RNF121: variants seen among roughly 807,000 people sequenced by gnomAD.
The protein encoded by RNF121 is ring finger protein 121.
RNF121 carries 21 observed loss-of-function variants against 46.5 expected under a neutral mutation model. That is an observed-to-expected ratio of 0.45 (90% CI 0.32 to 0.65). The LOEUF is 0.65. RNF121 is among the 30% of genes least tolerant of loss of function. RNF121 has a pLI of 0.04. For missense variants in RNF121, 346 were observed against 416.0 expected (o/e 0.83, Z 1.46); for synonymous variants, 139 against 144.7 (o/e 0.96, Z 0.28).
intron 3 of RNF121, among the ~76,000 whole-genome samples, chr11:71,961,710 A>G (rs954391012): frequency 2.0e-5 from 3 of 152,246 alleles, no homozygotes; most frequent in Non-Finnish European, 4.4e-5. Flanking sequence ...ATTAGAAGAC[A>G]GAAATTGGCA....
intron 1 of RNF121, among the ~76,000 whole-genome samples, chr11:71,943,084 G>A (rs10751188): frequency 0.92 from 140,126 of 152,188 alleles, 64,812 homozygotes; most frequent in Non-Finnish European, 0.98. Flanking sequence ...TGCATTGGAG[G>A]TTAGGTTTCA....
chr11:71,969,547 A>G (rs927882899), intron 3 of RNF121, among the ~76,000 whole-genome samples: 8 of 152,092 alleles, frequency 5.3e-5, no homozygotes, highest in Non-Finnish European at 7.4e-5. Context: ...AAAATTACGT[A>G]TATGTGTGAT....
chr11:71,983,646 C>T (rs1020623443), intron 4 of RNF121: 9 of 152,258 alleles, frequency 5.9e-5, no homozygotes, highest in Non-Finnish European at 8.8e-5. Context: ...TAAGCACCTA[C>T]TGTGTGCCAG....
intron 3 of RNF121, among the ~76,000 whole-genome samples, chr11:71,968,124 T>C (rs933154716): frequency 6.6e-6 from 1 of 151,992 alleles, no homozygotes; most frequent in African/African-American, 2.4e-5. Flanking sequence ...TGCAGTGGCA[T>C]GCTCTCGGCT....
At chr11:71,939,507 T>C (rs1169283843) in intron 1 of RNF121, 1 of 152,624 alleles carries the variant, frequency 6.6e-6, no homozygotes, top group Non-Finnish European at 1.5e-5. Context: ...CATGATTTTG[T>C]GGGGTGTTCT....
chr11:71,966,602 C>T (rs1954283485), intron 3 of RNF121, among the ~76,000 whole-genome samples: 1 of 151,818 alleles, frequency 6.6e-6, no homozygotes, highest in African/African-American at 2.4e-5. Context: ...CTGCCTCAGC[C>T]TCCCAAGTAG....
chr11:71,968,336 A>G (rs1430344727), intron 3 of RNF121, among the ~76,000 whole-genome samples: 2 of 152,148 alleles, frequency 1.3e-5, no homozygotes, highest in African/African-American at 2.4e-5. Flanking sequence ...CTGGGATGAC[A>G]GGTGTGAGCC....
At chr11:71,961,393 T>G (rs1199844438) in intron 3 of RNF121, among the ~76,000 whole-genome samples, 1 of 152,028 alleles carries the variant, frequency 6.6e-6, no homozygotes, top group Non-Finnish European at 1.5e-5. Flanking sequence ...AAACCCTATA[T>G]CTACAAAAAA....
intron 4 of RNF121, among the ~76,000 whole-genome samples, chr11:71,984,854 T>C (rs1275556194): frequency 6.7e-6 from 1 of 148,616 alleles, no homozygotes; most frequent in Admixed American, 6.9e-5. Flanking sequence ...CCCAAAGTGC[T>C]GGAATTACAA....
At chr11:71,929,162 A>G in intron 1 of RNF121, 38 bp downstream of exon 1, 1 of 1,542,212 alleles carries the variant, frequency 6.5e-7, no homozygotes, top group Non-Finnish European at 8.8e-7. Context: ...ACTCAACCTG[A>G]GACTGAGGGG....
intron 1 of RNF121, among the ~76,000 whole-genome samples, chr11:71,953,387 G>A (rs914471727): frequency 2.0e-5 from 3 of 152,212 alleles, no homozygotes; most frequent in Non-Finnish European, 2.9e-5. Context: ...TTAGATCTCT[G>A]TAAAGTTGTT....
chr11:71,970,808 C>CAAAAAA, intron 3 of RNF121, among the ~76,000 whole-genome samples: 1 of 152,204 alleles, frequency 6.6e-6, no homozygotes, highest in African/African-American at 2.4e-5. Context: ...AAGAAAGCAA[C>CAAAAAA]TACCAAGACA....
chr11:71,959,699 G>A (rs1228612349), intron 2 of RNF121, among the ~76,000 whole-genome samples: 2 of 146,996 alleles, frequency 1.4e-5, no homozygotes, highest in Non-Finnish European at 3.0e-5. Context: ...GCAGTGTTGC[G>A]ATCTTGGCTG....
At chr11:71,989,456 A>C (rs1291008871) in intron 5 of RNF121, among the ~76,000 whole-genome samples, 1 of 152,216 alleles carries the variant, frequency 6.6e-6, no homozygotes, top group Non-Finnish European at 1.5e-5. Flanking sequence ...ACAATGAGGA[A>C]AACAGAATTG....
chr11:71,949,650 A>G (rs975475325), intron 1 of RNF121, among the ~76,000 whole-genome samples: 1 of 152,094 alleles, frequency 6.6e-6, no homozygotes, highest in African/African-American at 2.4e-5. Context: ...CAGGAGACCA[A>G]GGTTGTGCCA....
chr11:71,951,319 T>TAA (rs1243139229), intron 1 of RNF121, among the ~76,000 whole-genome samples: 1 of 152,044 alleles, frequency 6.6e-6, no homozygotes, highest in African/African-American at 2.4e-5. Context: ...ATATAGCAAG[T>TAA]AAAGACCTGT....
chr11:71,938,365 G>T (rs1428288662), intron 1 of RNF121, among the ~76,000 whole-genome samples: 1 of 116,906 alleles, frequency 8.6e-6, no homozygotes, highest in African/African-American at 3.2e-5. Context: ...TTGTTGCCCA[G>T]GCTGGAGTGC....
chr11:71,980,283 C>G (rs967752154), intron 3 of RNF121, among the ~76,000 whole-genome samples: 1 of 152,156 alleles, frequency 6.6e-6, no homozygotes, highest in African/African-American at 2.4e-5. Context: ...CAAAGTGGTT[C>G]TGCTTACCCT....
At chr11:71,982,730 C>T (rs1333711139) in intron 3 of RNF121, 31 bp from the exon 4 acceptor site, 2 of 1,582,228 alleles carry the variant, frequency 1.3e-6, no homozygotes, top group African/African-American at 2.7e-5. Context: ...GGGAGCTGGC[C>T]AGAGCTGAAG....
Sources: allele counts gnomAD v4.1 joint callset (sites outside exome capture counted in the v4.1 genomes callset), GRCh38; gene constraint gnomAD v4.1.1; transcripts MANE v1.5; gene names NCBI Gene and HGNC (gene_info 2026-07-23, HGNC 2026-07-21).